The following SHC3 variants were observed in gnomAD, a reference collection of about 807,000 sequenced individuals.
SHC3 encodes SHC adaptor protein 3.
In SHC3, 15 loss-of-function variants were observed where a neutral mutation model predicts 60.4. The observed-to-expected ratio is 0.25, with a 90% CI of 0.17 to 0.38. The LOEUF (loss-of-function observed/expected upper bound fraction) is 0.38. Among genes scored for constraint, SHC3 ranks in the 10% least tolerant of loss-of-function variants. The probability of loss-of-function intolerance (pLI) is 1.00; values close to 1 mark genes in which losing one functional copy is unlikely to be tolerated. For missense variants in SHC3, 677 were observed against 786.1 expected (o/e 0.86, Z 1.66); for synonymous variants, 294 against 325.9 (o/e 0.90, Z 1.05).
rs183950913 is a variant in SHC3 at position 89,054,903 on chromosome 9, A to G, written c.836-2740T>C. ...GTTTCTCTCTTATTTTGCCCCGCCAATAAAAAAAGCTGAAGCCACTCTCTA... is the reference window on the plus strand; with the variant it reads ...GTTTCTCTCTTATTTTGCCCCGCCAGTAAAAAAAGCTGAAGCCACTCTCTA... On this transcript the variant is annotated intron_variant, in intron 6 of 11. Coordinates refer to ENST00000375835, the MANE Select transcript of SHC3 (RefSeq NM_016848.6). 2.0e-5 allele frequency among the ~76,000 whole-genome samples: 3 copies of G among 152,338 alleles called. No individual in the cohort carries two copies. In the East Asian group the frequency reaches 5.8e-4, roughly 29 times the overall value.
At chr9:89,151,172 C>T (rs138577689) in intron 1 of SHC3, among the ~76,000 whole-genome samples, 322 of 152,240 alleles carry the variant, frequency 2.1e-3, no homozygotes, top group Non-Finnish European at 3.5e-3. Flanking sequence ...GCATGTGACA[C>T]GGTGCCTGGC....
chr9:89,167,023 C>A (rs1312508461), intron 1 of SHC3, among the ~76,000 whole-genome samples: 1 of 152,110 alleles, frequency 6.6e-6, no homozygotes. Flanking sequence ...CTCTTCACAG[C>A]ACGAAAGCTG....
At chr9:89,094,839 G>A (rs1219561915) in intron 2 of SHC3, among the ~76,000 whole-genome samples, 1 of 152,144 alleles carries the variant, frequency 6.6e-6, no homozygotes, top group East Asian at 1.9e-4. Context: ...ACTTTGGGAT[G>A]TAAAGCAAAA....
chr9:89,143,168 A>G (rs1826419884), intron 1 of SHC3, among the ~76,000 whole-genome samples: 1 of 152,166 alleles, frequency 6.6e-6, no homozygotes, highest in Admixed American at 6.5e-5. Flanking sequence ...TTTTATGGTT[A>G]TTTCTTGATG....
intron 1 of SHC3, among the ~76,000 whole-genome samples, chr9:89,136,968 A>C (rs1377591408): frequency 6.6e-6 from 1 of 152,118 alleles, no homozygotes; most frequent in Non-Finnish European, 1.5e-5. Context: ...GAAACTTATA[A>C]TCATGGTAGA....
chr9:89,052,256 G>T, intron 6 of SHC3, 93 bp from the exon 7 acceptor site: 1 of 1,497,132 alleles, frequency 6.7e-7, no homozygotes, highest in Non-Finnish European at 9.1e-7. Flanking sequence ...CACAGGGACA[G>T]AGAGGTGCAT....
intron 1 of SHC3, among the ~76,000 whole-genome samples, chr9:89,153,757 A>T (rs982654666): frequency 6.6e-6 from 1 of 152,234 alleles, no homozygotes; most frequent in African/African-American, 2.4e-5. Flanking sequence ...ATCATGTGAT[A>T]TCACAGTACT....
intron 11 of SHC3, among the ~76,000 whole-genome samples, chr9:89,034,367 C>A (rs1303606755): frequency 6.6e-6 from 1 of 152,182 alleles, no homozygotes; most frequent in African/African-American, 2.4e-5. Context: ...TTAGGACAAT[C>A]ATCTAAAAGA....
intron 2 of SHC3, chr9:89,109,843 A>T (rs1479775995): frequency 1.0e-6 from 1 of 985,402 alleles, no homozygotes; most frequent in East Asian, 1.1e-4. Context: ...ATGATTACTC[A>T]GCTAACTTCT....
At chr9:89,110,367 G>A (rs1320670463) in intron 2 of SHC3, 2 of 984,906 alleles carry the variant, frequency 2.0e-6, no homozygotes, top group Admixed American at 1.2e-4. Context: ...CCTGGTGCCT[G>A]TATAATATAA....
intron 11 of SHC3, among the ~76,000 whole-genome samples, chr9:89,035,862 T>TATATATA (rs1491088730): frequency 0.012 from 1,294 of 104,414 alleles, 28 homozygotes; most frequent in Non-Finnish European, 0.016. Flanking sequence ...TGTGTGTGTG[T>TATATATA]GTGTGTGTGT....
intron 2 of SHC3, among the ~76,000 whole-genome samples, chr9:89,102,148 C>T (rs866916412): frequency 2.0e-5 from 3 of 152,106 alleles, no homozygotes; most frequent in Non-Finnish European, 4.4e-5. Flanking sequence ...TCAGTGTCTA[C>T]AGCATCTAAA....
intron 11 of SHC3, among the ~76,000 whole-genome samples, chr9:89,023,662 A>G (rs1286860690): frequency 6.6e-6 from 1 of 152,224 alleles, no homozygotes; most frequent in South Asian, 2.1e-4. Flanking sequence ...TCATCCAAGC[A>G]TCTAGATGAT....
chr9:89,132,247 T>A (rs1229350507), intron 1 of SHC3, among the ~76,000 whole-genome samples: 1 of 151,822 alleles, frequency 6.6e-6, no homozygotes, highest in Non-Finnish European at 1.5e-5. Context: ...CCACTGCTCA[T>A]CGAAATAAAA....
intron 11 of SHC3, among the ~76,000 whole-genome samples, chr9:89,035,830 AAT>A (rs1185604208): frequency 3.2e-4 from 34 of 106,350 alleles, no homozygotes; most frequent in South Asian, 3.5e-4. Context: ...AAACAAACAA[AAT>A]ATATATATAT....
chr9:89,065,587 A>G lies in SHC3; in HGVS notation c.784-7T>C. On this transcript the variant is annotated splice_region_variant and splice_polypyrimidine_tract_variant and intron_variant, in intron 5 of 11. Transcript: ENST00000375835. ...CAACATAGTCAGTTGTGTCCTGTTAAAGAAAAAAGAGATGTCTATGTCACT... is the reference window on the plus strand; with the variant it reads ...CAACATAGTCAGTTGTGTCCTGTTAGAGAAAAAAGAGATGTCTATGTCACT... The G allele has an allele frequency of 6.2e-7, 1 of 1,614,060 alleles. No homozygotes were observed. The highest frequency in any genetic ancestry group is 1.1e-5 in the South Asian group (1 of 91,066).
At chr9:89,047,017 G>A (rs1440472915) in intron 7 of SHC3, 23 bp from the exon 8 acceptor site, 2 of 1,519,768 alleles carry the variant, frequency 1.3e-6, no homozygotes, top group Non-Finnish European at 1.8e-6. Context: ...GATTTCCAAG[G>A]GCTTTAGCCA....
At chr9:89,109,946 C>T (rs1587732517) in intron 2 of SHC3, 2 of 985,422 alleles carry the variant, frequency 2.0e-6, no homozygotes, top group Non-Finnish European at 2.4e-6. Flanking sequence ...CCTGCATGTT[C>T]CTTCATTTAT....
intron 2 of SHC3, among the ~76,000 whole-genome samples, chr9:89,085,781 G>T (rs950707597): frequency 6.6e-6 from 1 of 152,212 alleles, no homozygotes; most frequent in Non-Finnish European, 1.5e-5. Flanking sequence ...TAAGGACACA[G>T]GGCTCATCAA....
Sources: allele counts gnomAD v4.1 joint callset (sites outside exome capture counted in the v4.1 genomes callset), GRCh38; gene constraint gnomAD v4.1.1; transcripts MANE v1.5; gene names NCBI Gene and HGNC (gene_info 2026-07-23, HGNC 2026-07-21).